Variants in RFC5 observed in about 807,000 individuals in gnomAD.
RFC5 encodes the protein replication factor C subunit 5.
A neutral mutation model predicts 44.3 loss-of-function variants in RFC5; 26 were observed. That is an observed-to-expected ratio of 0.59 (90% CI 0.43 to 0.81). RFC5 has a LOEUF of 0.81. RFC5 is among the 40% of genes least tolerant of loss of function. The probability of loss-of-function intolerance (pLI) is 0.00; values close to 1 mark genes in which losing one functional copy is unlikely to be tolerated. For missense variants in RFC5, 328 were observed against 418.6 expected (o/e 0.78, Z 1.89); for synonymous variants, 155 against 155.2 (o/e 1.00, Z 0.01).
downstream of RFC5, chr12:118,035,431 A>G (rs2137760923): frequency 1.1e-6 from 1 of 908,664 alleles, no homozygotes; most frequent in Non-Finnish European, 1.7e-6. Context: ...AAAAGGGCTC[A>G]AGATGCATTG....
downstream of RFC5, chr12:118,034,370 C>T (rs200187600): frequency 1.2e-6 from 2 of 1,612,712 alleles, no homozygotes; most frequent in East Asian, 4.5e-5. Context: ...TAAAATGAAA[C>T]AGAAACCGAT....
the RFC5 span, among the ~76,000 whole-genome samples, chr12:118,039,628 G>A: frequency 6.6e-6 from 1 of 152,116 alleles, no homozygotes; most frequent in African/African-American, 2.4e-5. Context: ...GGGAAGGAAA[G>A]AGCCAAGCAA....
At chr12:118,029,247 G>A (rs763727044) in intron 9 of RFC5, among the ~76,000 whole-genome samples, 11 of 151,836 alleles carry the variant, frequency 7.2e-5, no homozygotes, top group East Asian at 1.9e-4. Context: ...CGGTGAAACC[G>A]CATCTCTACA....
At position 118,023,920 on chromosome 12, in the gene RFC5, A is replaced by G. The variant is rs112726290; in HGVS notation, c.422-931A>G. Among the ~76,000 whole-genome samples, 1,248 of 151,956 alleles carry G rather than the reference A, an allele frequency of 8.2e-3. 21 individuals carry two copies. The highest frequency in any genetic ancestry group is 0.027 in the African/African-American group (1,136 of 41,512). On this transcript the variant is annotated intron_variant, in intron 5 of 10. Coordinates refer to ENST00000454402, the MANE Select transcript of RFC5 (RefSeq NM_007370.7). ...ACGGAGGCATGTTTACCAGTTTGTG[A>G]AAGAGGGGTGGCTAGGCAGGGCGCA...
the RFC5 span, chr12:118,038,502 T>C: frequency 4.4e-6 from 4 of 899,570 alleles, no homozygotes; most frequent in South Asian, 6.9e-5. Context: ...TCAGCTCCTA[T>C]CAGCTGGGCC....
At chr12:118,021,774 T>A (rs1275148492) in intron 4 of RFC5, among the ~76,000 whole-genome samples, 1 of 151,582 alleles carries the variant, frequency 6.6e-6, no homozygotes. Context: ...ATGGCCAACA[T>A]AGTGAAACCT....
In RFC5 at chr12:118,028,013, A is replaced by C; in HGVS notation, c.854A>C (p.His285Pro). 1.2e-6 allele frequency: 2 copies of C among 1,606,818 alleles called. No individual in the cohort carries two copies. Among genetic ancestry groups the C allele is most frequent in the Non-Finnish European group, 1.7e-6 (2 of 1,173,922 alleles). ...LALHDILTEI[H>P]LFVHRVDFPS... ...CTGCATGATATCCTGACAGAGATAC[A>C]CTTGTTTGTGCATAGAGGTAACTTA... Residue 285 changes from histidine to proline, a missense_variant, in exon 9 of 11, where the codon CAC becomes CCC. Physicochemically the swap from His to Pro is moderately conservative, Grantham distance 77. Transcript: ENST00000454402.
At chr12:118,031,135 GCTGTGTTTGGTGTCTTTTTTCTTACC>G in intron 10 of RFC5, 21 bp from the exon 11 acceptor site, 3 of 1,340,158 alleles carry the variant, frequency 2.2e-6, no homozygotes, top group Non-Finnish European at 3.2e-6. Context: ...AGAAAAGGCA[GCTGTGTTTGGTGTCTTTTTTCTTACC>G]CTGTGTTTGG....
chr12:118,025,774 A>G lies in RFC5; in HGVS notation c.609A>G (p.Lys203=). 1 of 1,609,866 alleles carries G rather than the reference A, an allele frequency of 6.2e-7. No homozygotes were observed. Among genetic ancestry groups the G allele is most frequent in the Non-Finnish European group, 8.5e-7 (1 of 1,177,384 alleles). The part of the protein sequence containing the change: ...EKVDISEDGM[K]ALVTLSSGDM... Reference sequence around the variant, plus strand: ...TTGATATAAGTGAAGATGGAATGAAAGCACTAGTCACTCTTTCCAGTGGAG... The same window carrying G: ...TTGATATAAGTGAAGATGGAATGAAGGCACTAGTCACTCTTTCCAGTGGAG... Residue 203 remains lysine, a synonymous_variant, in exon 7 of 11, where the codon AAA becomes AAG. Transcript: ENST00000454402.
downstream of RFC5, chr12:118,036,471 T>G (rs765098048): frequency 6.2e-7 from 1 of 1,614,060 alleles, no homozygotes; most frequent in Admixed American, 1.7e-5. Context: ...CCCTCTAGCT[T>G]CCGAATTAAC....
intron 4 of RFC5, among the ~76,000 whole-genome samples, chr12:118,021,611 A>G (rs2030495664): frequency 6.6e-6 from 1 of 151,638 alleles, no homozygotes; most frequent in South Asian, 2.1e-4. Context: ...AAATAAATTG[A>G]GATCAGGAAG....
chr12:118,018,092 G>C, intron 1 of RFC5: 1 of 686,862 alleles, frequency 1.5e-6, no homozygotes, highest in South Asian at 1.6e-5. Context: ...TTTGTGTCTG[G>C]TTTCTTTCAC....
chr12:118,036,567 C>T (rs1042282909), downstream of RFC5: 32 of 1,522,306 alleles, frequency 2.1e-5, no homozygotes, highest in East Asian at 3.5e-4. Flanking sequence ...AGGACTCAAA[C>T]GGAGGGAGGG....
rs2030338627 is a variant in RFC5, at chr12:118,019,497, C to T, written c.131-135C>T. 2.2e-6 allele frequency: 2 copies of T among 909,712 alleles called. No homozygotes were observed. Among genetic ancestry groups the T allele is most frequent in the African/African-American group, 1.7e-5 (1 of 59,950 alleles). 56.4% of individuals were successfully genotyped at this position (909,712 alleles called of 1,614,324 possible). ...GTTCCACGAAAGTAGATATGAGGCC[C>T]CTACATCAAGTTGTATCTGCCTCTG... On this transcript the variant is annotated intron_variant, in intron 2 of 10. Coordinates refer to ENST00000454402, the MANE Select transcript of RFC5 (RefSeq NM_007370.7). The surrounding 1 kb of genome is among the most constrained non-coding windows in gnomAD (Gnocchi z 4.2).
the RFC5 span, among the ~76,000 whole-genome samples, chr12:118,041,323 C>CA: frequency 2.0e-5 from 3 of 152,158 alleles, no homozygotes; most frequent in Non-Finnish European, 4.4e-5. Flanking sequence ...GATGAGGATG[C>CA]AGAGAGAAGG....
the RFC5 span, among the ~76,000 whole-genome samples, chr12:118,039,546 C>G: frequency 3.3e-5 from 5 of 151,938 alleles, no homozygotes; most frequent in Admixed American, 3.3e-4. Context: ...GGTATATACT[C>G]CTAACACAGG....
chr12:118,016,988 G>C, intron 1 of RFC5, 96 bp downstream of exon 1: 1 of 967,946 alleles, frequency 1.0e-6, no homozygotes. Context: ...ACCCCAACCC[G>C]ACCTCTTCCC....
intron 8 of RFC5, 145 bp from the exon 9 acceptor site, chr12:118,027,808 C>T (rs1037840910): frequency 1.7e-5 from 10 of 578,364 alleles, no homozygotes; most frequent in African/African-American, 9.3e-5. Context: ...GAGTCCAACA[C>T]GTGCAGCTTC....
At chr12:118,023,082 C>G (rs5745834) in intron 5 of RFC5, among the ~76,000 whole-genome samples, 7 of 140,632 alleles carry the variant, frequency 5.0e-5, no homozygotes. Flanking sequence ...GATAGTCCTT[C>G]TGCTAATAGT....
Sources: allele counts gnomAD v4.1 joint callset (sites outside exome capture counted in the v4.1 genomes callset), GRCh38; gene constraint gnomAD v4.1.1; non-coding constraint Gnocchi (gnomAD v3.1); transcripts MANE v1.5; gene names NCBI Gene and HGNC (gene_info 2026-07-23, HGNC 2026-07-21).